The following TOR1AIP1 variants were observed in gnomAD, a reference collection of about 807,000 sequenced individuals.
TOR1AIP1 encodes the protein torsin-1A-interacting protein 1.
Under a neutral mutation model 63.3 loss-of-function variants are expected in TOR1AIP1, and 54 were observed. The observed-to-expected ratio is 0.85, with a 90% CI of 0.69 to 1.07. The LOEUF (loss-of-function observed/expected upper bound fraction) is 1.07, where lower values mean the gene tolerates loss of function less well. TOR1AIP1 is among the 50% of genes least tolerant of loss of function. The probability of loss-of-function intolerance (pLI) is 0.00; values close to 1 mark genes in which losing one functional copy is unlikely to be tolerated. For synonymous variants in TOR1AIP1, 294 were observed against 273.5 expected (o/e 1.07, Z -0.74); for missense variants, 736 against 715.0 (o/e 1.03, Z -0.33).
At chr1:179,914,835 AT>A (rs1211209546) in intron 9 of TOR1AIP1, among the ~76,000 whole-genome samples, 1 of 152,052 alleles carries the variant, frequency 6.6e-6, no homozygotes, top group Non-Finnish European at 1.5e-5. Context: ...TGATTCTGAA[AT>A]TTTTTGTTCT....
chr1:179,892,815 A>T (rs17279663), intron 3 of TOR1AIP1, among the ~76,000 whole-genome samples: 7,935 of 152,058 alleles, frequency 0.052, 308 homozygotes, highest in Non-Finnish European at 0.068. Flanking sequence ...GAGCATTTTT[A>T]TAAGCACCTT....
chr1:179,899,780 G>A (rs980183348), intron 3 of TOR1AIP1, among the ~76,000 whole-genome samples: 86 of 152,240 alleles, frequency 5.6e-4, no homozygotes, highest in African/African-American at 2.0e-3. Flanking sequence ...GAGTAGCTGG[G>A]ATTACAGGCA....
intron 5 of TOR1AIP1, among the ~76,000 whole-genome samples, chr1:179,903,550 C>T (rs1002660466): frequency 1.3e-4 from 19 of 149,192 alleles, no homozygotes; most frequent in Non-Finnish European, 3.0e-5. Flanking sequence ...CTCTCTTGTT[C>T]AGGCTGGAGT....
chr1:179,897,590 C>T (rs1005828189), intron 3 of TOR1AIP1, among the ~76,000 whole-genome samples: 1 of 152,136 alleles, frequency 6.6e-6, no homozygotes, highest in African/African-American at 2.4e-5. Flanking sequence ...TCCAACATAT[C>T]CTTTCCATTA....
chr1:179,907,686 T>G, intron 6 of TOR1AIP1, 137 bp from the exon 7 acceptor site: 1 of 414,252 alleles, frequency 2.4e-6, no homozygotes, highest in Non-Finnish European at 4.3e-6. Context: ...ATTTATATGC[T>G]TGGAATTGAT....
Position 179,917,957 on chromosome 1 carries a change from G to T in TOR1AIP1, c.1470G>T (p.Leu490Phe). Residue 490 changes from leucine (L) to phenylalanine (F), a missense_variant, in exon 10 of 10, where the codon TTG becomes TTT. Around this residue, in one of 2 missense-constraint regions of TOR1AIP1, gnomAD observed 272 missense variants for 344.1 expected, o/e 0.79. Coordinates refer to ENST00000606911, the MANE Select transcript of TOR1AIP1 (RefSeq NM_015602.4). ...RFESFPAGST[L>F]IFYKYCDHEN... is the part of the protein sequence containing the mutation. The stretch of plus-strand genomic sequence containing the variant: ...AGTCATTTCCCGCAGGCTCTACTTT[G>T]ATCTTCTACAAATATTGTGACCATG... 6.2e-7 allele frequency: 1 copy of T among 1,614,234 alleles called. No homozygotes were observed. Among genetic ancestry groups the T allele is most frequent in the African/African-American group, 1.3e-5 (1 of 75,058 alleles).
chr1:179,902,451 G>A (rs1027933449), intron 5 of TOR1AIP1, among the ~76,000 whole-genome samples: 1 of 150,582 alleles, frequency 6.6e-6, no homozygotes, highest in Non-Finnish European at 1.5e-5. Flanking sequence ...GCAGTGATGC[G>A]ATCATGGCTC....
At chr1:179,913,696 A>G in intron 8 of TOR1AIP1, 1 of 701,714 alleles carries the variant, frequency 1.4e-6, no homozygotes, top group Non-Finnish European at 2.6e-6. Context: ...CGGAAGTTTC[A>G]CCAATCCCAT....
rs992711692 is a variant in TOR1AIP1 at position 179,883,546 on chromosome 1, G to A, written c.475+569G>A. On this transcript the variant is annotated intron_variant, in intron 1 of 9. Coordinates refer to ENST00000606911, the MANE Select transcript of TOR1AIP1 (RefSeq NM_015602.4). ...CACCCAATACTTTCACCGAAATGGG[G>A]TAACTCATTTTTCCTGAACTGATGT... The A allele has an allele frequency of 9.6e-5, 43 of 449,098 alleles. No individual in the cohort carries two copies. The East Asian group carries it at 1.8e-3, about 18-fold the overall frequency. The allele number at this position is 449,098 out of a possible 1,614,324, so 27.8% of individuals were successfully genotyped here.
chr1:179,897,601 T>C (rs1648327537), intron 3 of TOR1AIP1, among the ~76,000 whole-genome samples: 1 of 152,236 alleles, frequency 6.6e-6, no homozygotes. Context: ...CTTTCCATTA[T>C]TATAGATTCT....
At chr1:179,897,671 A>G (rs1344545505) in intron 3 of TOR1AIP1, among the ~76,000 whole-genome samples, 1 of 152,226 alleles carries the variant, frequency 6.6e-6, no homozygotes, top group East Asian at 1.9e-4. Flanking sequence ...TAGAGTAACT[A>G]TGTAAAACAT....
chr1:179,889,179 C>A (rs1647990358), intron 2 of TOR1AIP1, 134 bp from the exon 3 acceptor site: 2 of 547,650 alleles, frequency 3.7e-6, no homozygotes, highest in African/African-American at 3.8e-5. Context: ...ACTTAGAAAG[C>A]TTGTCTCTAC....
intron 8 of TOR1AIP1, among the ~76,000 whole-genome samples, chr1:179,909,805 C>G (rs1480036585): frequency 2.6e-5 from 4 of 152,000 alleles, no homozygotes; most frequent in Non-Finnish European, 5.9e-5. Context: ...CTCTGTCGCC[C>G]AGGTTGGAGT....
chr1:179,911,067 T>C (rs959711018), intron 8 of TOR1AIP1, among the ~76,000 whole-genome samples: 1 of 152,234 alleles, frequency 6.6e-6, no homozygotes, highest in Non-Finnish European at 1.5e-5. Flanking sequence ...GCTAACCACC[T>C]ACCATATATA....
At chr1:179,901,446 G>T in intron 5 of TOR1AIP1, 58 bp downstream of exon 5, 1 of 1,121,902 alleles carries the variant, frequency 8.9e-7, no homozygotes, top group Non-Finnish European at 1.2e-6. Context: ...GGTATTCCAT[G>T]AATTTGCTTT....
chr1:179,883,143 G>C, intron 1 of TOR1AIP1, 166 bp downstream of exon 1: 1 of 674,674 alleles, frequency 1.5e-6, no homozygotes, highest in South Asian at 1.9e-5. Flanking sequence ...GGGCCACCCT[G>C]ACCCGCAGCG....
chr1:179,911,936 ATACTC>A (rs980985972), intron 8 of TOR1AIP1, among the ~76,000 whole-genome samples: 9 of 148,640 alleles, frequency 6.1e-5, no homozygotes, highest in African/African-American at 2.2e-4. Context: ...GATTATCACC[ATACTC>A]TTTAGACTAG....
chr1:179,917,522 T>C lies in TOR1AIP1; in HGVS notation c.1035T>C (p.Ala345=). The C allele has an allele frequency of 1.2e-6, 2 of 1,614,112 alleles. No individual in the cohort carries two copies. Among genetic ancestry groups the C allele is most frequent in the Non-Finnish European group, 1.7e-6 (2 of 1,180,034 alleles). The change falls in exon 10 of 10, where the codon GCT becomes GCC. Residue 345 remains alanine, a synonymous_variant. Coordinates refer to ENST00000606911, the MANE Select transcript of TOR1AIP1 (RefSeq NM_015602.4). ...RNRWWLLPLI[A]ALASGSFWFF... ...GGTGGTGGCTACTTCCTCTGATAGC[T>C]GCTCTTGCCTCTGGGAGTTTTTGGT...
At chr1:179,906,807 A>G (rs1177658504) in intron 6 of TOR1AIP1, among the ~76,000 whole-genome samples, 3 of 128,400 alleles carry the variant, frequency 2.3e-5, no homozygotes, top group Non-Finnish European at 4.7e-5. Context: ...GTGTGATCTC[A>G]GCTCACTGCA....
Sources: allele counts gnomAD v4.1 joint callset (sites outside exome capture counted in the v4.1 genomes callset), GRCh38; gene constraint gnomAD v4.1.1; regional missense constraint gnomAD v4.1.1; transcripts MANE v1.5; gene names NCBI Gene and HGNC (gene_info 2026-07-23, HGNC 2026-07-21).